Variants in FHIT observed in about 807,000 individuals in gnomAD.
FHIT encodes the protein fragile histidine triad diadenosine triphosphatase.
FHIT carries 19 observed loss-of-function variants against 17.9 expected under a neutral mutation model. The observed-to-expected ratio is 1.06, with a 90% CI of 0.74 to 1.56. The LOEUF (loss-of-function observed/expected upper bound fraction) is 1.56. Ranked by LOEUF, FHIT falls within the 40% of genes most tolerant of loss-of-function variation. The pLI is 0.00. For missense variants in FHIT, 248 were observed against 189.2 expected (o/e 1.31, Z -1.82); for synonymous variants, 81 against 69.7 (o/e 1.16, Z -0.81).
At chr3:60,498,303 C>T (rs1190137747) in intron 5 of FHIT, among the ~76,000 whole-genome samples, 1 of 152,120 alleles carries the variant, frequency 6.6e-6, no homozygotes, top group East Asian at 1.9e-4. Context: ...TGAAACAATT[C>T]AATAAATGAT....
chr3:60,542,875 T>G (rs1225114697), intron 4 of FHIT, among the ~76,000 whole-genome samples: 1 of 152,222 alleles, frequency 6.6e-6, no homozygotes, highest in African/African-American at 2.4e-5. Flanking sequence ...CTATCGACTT[T>G]ATATTTTCAT....
chr3:59,817,664 C>T (rs1700650306), intron 8 of FHIT, among the ~76,000 whole-genome samples: 2 of 152,010 alleles, frequency 1.3e-5, no homozygotes, highest in African/African-American at 4.8e-5. Context: ...ATCCTCCAGC[C>T]TTTTAAAGGC....
Position 59,830,081 on chromosome 3 carries a change from G to A in FHIT, c.349-77760C>T, listed in dbSNP as rs773595618. ...ACAGAGACCCTGTCTCAAAAACAAA[G>A]CAAAACAAAACAACCCCCCCCTCAA... On this transcript the variant is annotated intron_variant, in intron 8 of 9. Coordinates refer to ENST00000492590, the MANE Select transcript of FHIT (RefSeq NM_002012.4). Among the ~76,000 whole-genome samples, 97 of 151,892 alleles carry A rather than the reference G, an allele frequency of 6.4e-4. 2 individuals are homozygous for A. The highest frequency in any genetic ancestry group is 6.8e-3 in the Middle Eastern group (2 of 294).
At chr3:61,100,806 A>AG (rs762873711) in intron 2 of FHIT, among the ~76,000 whole-genome samples, 4 of 152,164 alleles carry the variant, frequency 2.6e-5, no homozygotes, top group Non-Finnish European at 5.9e-5. Context: ...TTTTCTAACG[A>AG]CCAGTGATGA....
intron 1 of FHIT, among the ~76,000 whole-genome samples, chr3:61,205,069 C>G (rs9823201): frequency 0.43 from 65,090 of 149,986 alleles, 14,457 homozygotes; most frequent in East Asian, 0.58. Context: ...AGAACATGCG[C>G]TGTTTGGTGT....
At chr3:60,296,116 G>A (rs1055994594) in intron 5 of FHIT, among the ~76,000 whole-genome samples, 2 of 152,048 alleles carry the variant, frequency 1.3e-5, no homozygotes, top group Non-Finnish European at 2.9e-5. Flanking sequence ...GGCCTCCCCA[G>A]CCACGTGGAA....
rs574800134 is a variant in FHIT at position 60,206,131 on chromosome 3, T to A, written c.104-191979A>T. Among the ~76,000 whole-genome samples the A allele has an allele frequency of 5.4e-3, 606 of 112,316 alleles. 5 individuals carry two copies. Among genetic ancestry groups the A allele is most frequent in the African/African-American group, 0.02 (567 of 27,670 alleles). The allele number at this position is 112,316 out of a possible 152,430, so 73.7% of individuals were successfully genotyped here. On this transcript the variant is annotated intron_variant, in intron 5 of 9. Coordinates refer to ENST00000492590, the MANE Select transcript of FHIT (RefSeq NM_002012.4). ...CTGGGCGACACAGCGAGACTCCGTC[T>A]CAAAAAAAAAAAAAAATAAATAATA...
At chr3:60,386,893 G>A (rs1211809707) in intron 5 of FHIT, among the ~76,000 whole-genome samples, 1 of 152,130 alleles carries the variant, frequency 6.6e-6, no homozygotes, top group African/African-American at 2.4e-5. Flanking sequence ...GAGTGGACAA[G>A]CAACTGGTGG....
intron 5 of FHIT, among the ~76,000 whole-genome samples, chr3:60,137,571 C>T (rs1699866894): frequency 6.6e-6 from 1 of 152,160 alleles, no homozygotes; most frequent in Admixed American, 6.5e-5. Flanking sequence ...CTTCATGATT[C>T]AGGTGGAACT....
chr3:59,906,122 T>C (rs866985140), intron 8 of FHIT, among the ~76,000 whole-genome samples: 1 of 152,214 alleles, frequency 6.6e-6, no homozygotes, highest in South Asian at 2.1e-4. Flanking sequence ...TATTCTGGCA[T>C]TGCGTGTCTC....
chr3:60,092,230 A>T (rs1703763404), intron 5 of FHIT, among the ~76,000 whole-genome samples: 1 of 152,192 alleles, frequency 6.6e-6, no homozygotes, highest in African/African-American at 2.4e-5. Context: ...TACTTGTTTC[A>T]TAATTGTAAC....
rs542475783 is a variant in FHIT, at chr3:59,906,446, T to A, written c.348+15900A>T. Reference sequence around the variant, plus strand: ...TTATGGCAAAGCTTTCAGAGGAGTCTGTAACACAAAGTGGATCCAGAACCA... The same window carrying A: ...TTATGGCAAAGCTTTCAGAGGAGTCAGTAACACAAAGTGGATCCAGAACCA... On this transcript the variant is annotated intron_variant, in intron 8 of 9. Transcript: ENST00000492590. Among the ~76,000 whole-genome samples, 8 of 152,356 alleles carry A rather than the reference T, an allele frequency of 5.3e-5. No individual in the cohort carries two copies. In the South Asian group the frequency reaches 1.7e-3, roughly 32 times the overall value.
At chr3:60,207,560 G>T (rs1401786711) in intron 5 of FHIT, among the ~76,000 whole-genome samples, 1 of 151,926 alleles carries the variant, frequency 6.6e-6, no homozygotes, top group Non-Finnish European at 1.5e-5. Context: ...AGCGAATTTA[G>T]AATCACCACC....
chr3:60,095,566 T>C (rs1194014953), intron 5 of FHIT, among the ~76,000 whole-genome samples: 1 of 152,234 alleles, frequency 6.6e-6, no homozygotes, highest in Admixed American at 6.5e-5. Flanking sequence ...ATGTGAGTCT[T>C]GCTCAGGAGA....
intron 5 of FHIT, among the ~76,000 whole-genome samples, chr3:60,294,241 G>A (rs1708108030): frequency 6.6e-6 from 1 of 152,134 alleles, no homozygotes; most frequent in Non-Finnish European, 1.5e-5. Flanking sequence ...GATGGAATAA[G>A]ATAAATAACA....
intron 4 of FHIT, among the ~76,000 whole-genome samples, chr3:60,814,815 A>G (rs573914266): frequency 1.3e-5 from 2 of 151,784 alleles, no homozygotes; most frequent in African/African-American, 2.4e-5. Context: ...ACTAATTTAC[A>G]TTCCCACCAA....
At chr3:60,661,124 C>T (rs1406213931) in intron 4 of FHIT, among the ~76,000 whole-genome samples, 2 of 151,838 alleles carry the variant, frequency 1.3e-5, no homozygotes, top group Non-Finnish European at 2.9e-5. Context: ...GTTCTTTAGC[C>T]ATGGTTTCTG....
intron 8 of FHIT, among the ~76,000 whole-genome samples, chr3:59,804,352 C>A (rs1254305436): frequency 6.6e-6 from 1 of 152,180 alleles, no homozygotes; most frequent in Non-Finnish European, 1.5e-5. Flanking sequence ...TCTCTTTATC[C>A]CATAAGGCTA....
intron 7 of FHIT, among the ~76,000 whole-genome samples, chr3:60,003,786 G>T (rs17061728): frequency 1.3e-5 from 2 of 150,910 alleles, no homozygotes; most frequent in African/African-American, 4.9e-5. Flanking sequence ...TACTGAGGTT[G>T]AATTGGCCAC....
Sources: gnomAD v4.1 joint callset for allele counts (sites outside exome capture counted in the v4.1 genomes callset) on GRCh38, gnomAD v4.1.1 for gene constraint, MANE v1.5 for transcripts, NCBI Gene and HGNC (gene_info 2026-07-23, HGNC 2026-07-21) for gene names.